The following CCSER2 variants were observed in gnomAD, a reference collection of about 807,000 sequenced individuals.
The protein encoded by CCSER2 is serine-rich coiled-coil domain-containing protein 2.
Under a neutral mutation model 92.3 loss-of-function variants are expected in CCSER2, and 46 were observed. The observed-to-expected ratio is 0.50, with a 90% CI of 0.39 to 0.64. CCSER2 has a LOEUF of 0.64. CCSER2 is among the 30% of genes least tolerant of loss of function. CCSER2 has a pLI of 0.00. For synonymous variants in CCSER2, 433 were observed against 431.4 expected (o/e 1.00, Z -0.04); for missense variants, 1,244 against 1,238.9 (o/e 1.00, Z -0.06).
At chr10:84,417,883 C>T in intron 4 of CCSER2, 22 bp downstream of exon 4, 1 of 1,217,502 alleles carries the variant, frequency 8.2e-7, no homozygotes, top group Non-Finnish European at 1.2e-6. Flanking sequence ...CAATATTGAA[C>T]CTTCAGAGGT....
intron 4 of CCSER2, among the ~76,000 whole-genome samples, chr10:84,420,045 G>A (rs913119106): frequency 1.7e-4 from 26 of 152,128 alleles, no homozygotes; most frequent in Admixed American, 1.3e-4. Flanking sequence ...TTACTTCCTC[G>A]GAATAAATCA....
In CCSER2 at chr10:84,391,270, A is replaced by T. The variant is rs150242845; in HGVS notation, c.1614+17455A>T. The T allele has an allele frequency of 1.2e-4, 179 of 1,447,016 alleles. No individual in the cohort carries two copies. The African/African-American group carries it at 2.1e-3, about 17-fold the overall frequency. 89.6% of individuals were successfully genotyped at this position (1,447,016 alleles called of 1,614,324 possible). A position where few individuals can be genotyped will look rare whatever the true frequency, so the allele number is the denominator to read the frequency against. On this transcript the variant is annotated intron_variant, in intron 3 of 9. Coordinates refer to ENST00000372088, the MANE Select transcript of CCSER2 (RefSeq NM_001284240.2). ...TGCTAAACAATGCTCAACCAGATCA[A>T]TATGAAGCTCCAGATAAAGATTTTA...
At chr10:84,461,744 T>C (rs1230372449) in intron 6 of CCSER2, among the ~76,000 whole-genome samples, 2 of 152,090 alleles carry the variant, frequency 1.3e-5, no homozygotes, top group African/African-American at 4.8e-5. Flanking sequence ...AACAGCTCTG[T>C]TAAAATCTCT....
chr10:84,464,138 CT>C, intron 7 of CCSER2, 122 bp downstream of exon 7: 1 of 541,348 alleles, frequency 1.8e-6, no homozygotes, highest in Non-Finnish European at 3.2e-6. Flanking sequence ...TTGTTCTTAA[CT>C]TTTGCTACTT....
intron 3 of CCSER2, among the ~76,000 whole-genome samples, chr10:84,406,199 A>G (rs1377488559): frequency 1.3e-5 from 2 of 152,178 alleles, no homozygotes. Context: ...CATTTATATG[A>G]TATTCTTGAA....
At chr10:84,480,763 C>T (rs1589776191) in intron 9 of CCSER2, among the ~76,000 whole-genome samples, 2 of 152,110 alleles carry the variant, frequency 1.3e-5, no homozygotes, top group Non-Finnish European at 2.9e-5. Flanking sequence ...TATGGTCTTC[C>T]AGCCTTGTTT....
intron 1 of CCSER2, among the ~76,000 whole-genome samples, chr10:84,336,327 A>C (rs1365469782): frequency 6.6e-6 from 1 of 152,212 alleles, no homozygotes; most frequent in Non-Finnish European, 1.5e-5. Flanking sequence ...TGGAGCTTAC[A>C]TTCTAATGAC....
At chr10:84,351,870 T>C (rs1241279086) in intron 1 of CCSER2, among the ~76,000 whole-genome samples, 2 of 152,184 alleles carry the variant, frequency 1.3e-5, no homozygotes, top group Non-Finnish European at 2.9e-5. Flanking sequence ...GGCTAGTGGC[T>C]GCTGTATTGA....
intron 6 of CCSER2, among the ~76,000 whole-genome samples, chr10:84,456,732 A>G (rs1845647503): frequency 6.6e-6 from 1 of 152,132 alleles, no homozygotes; most frequent in Admixed American, 6.5e-5. Flanking sequence ...ATTGTTCTGC[A>G]TTCTTGCTGG....
intron 9 of CCSER2, among the ~76,000 whole-genome samples, chr10:84,489,046 G>C (rs1253255893): frequency 2.0e-5 from 3 of 152,212 alleles, no homozygotes; most frequent in African/African-American, 7.2e-5. Flanking sequence ...TAGTTGCACA[G>C]TTTTGAGTGA....
At chr10:84,452,793 T>C (rs1258374372) in intron 6 of CCSER2, among the ~76,000 whole-genome samples, 1 of 152,184 alleles carries the variant, frequency 6.6e-6, no homozygotes, top group Non-Finnish European at 1.5e-5. Context: ...TCAGTATTTT[T>C]TAGAAAGAGT....
At chr10:84,443,545 G>A (rs1330956988) in intron 6 of CCSER2, among the ~76,000 whole-genome samples, 3 of 152,210 alleles carry the variant, frequency 2.0e-5, no homozygotes, top group Non-Finnish European at 4.4e-5. Flanking sequence ...CTGTTGGTGG[G>A]AGTGTAAATT....
intron 9 of CCSER2, among the ~76,000 whole-genome samples, chr10:84,478,556 G>A (rs1177383076): frequency 6.6e-6 from 1 of 152,132 alleles, no homozygotes; most frequent in Admixed American, 6.6e-5. Context: ...CATCTAACAA[G>A]TATTTTTTTT....
chr10:84,501,724 T>G (rs1372678842), intron 9 of CCSER2, among the ~76,000 whole-genome samples: 1 of 145,598 alleles, frequency 6.9e-6, no homozygotes, highest in Non-Finnish European at 1.5e-5. Flanking sequence ...TGCTTTTTTT[T>G]TTTTTTAAAC....
intron 1 of CCSER2, among the ~76,000 whole-genome samples, chr10:84,348,332 A>G (rs935173407): frequency 4.6e-5 from 7 of 152,224 alleles, no homozygotes; most frequent in Admixed American, 2.0e-4. Context: ...CGCGCCTGCA[A>G]TCGCAGGCAC....
chr10:84,394,210 A>T (rs1322636502), intron 3 of CCSER2, among the ~76,000 whole-genome samples: 1 of 152,204 alleles, frequency 6.6e-6, no homozygotes. Flanking sequence ...TTGAGCTTCT[A>T]CTATGCTCCA....
chr10:84,352,747 T>C (rs766974994), intron 1 of CCSER2, among the ~76,000 whole-genome samples: 26 of 151,980 alleles, frequency 1.7e-4, no homozygotes, highest in Non-Finnish European at 3.2e-4. Context: ...GGAATAAATA[T>C]ACCTATCTAG....
At chr10:84,412,849 C>T (rs971326402) in intron 3 of CCSER2, among the ~76,000 whole-genome samples, 1 of 152,174 alleles carries the variant, frequency 6.6e-6, no homozygotes, top group African/African-American at 2.4e-5. Context: ...GCTTCTCTTC[C>T]AGCTACTCAG....
intron 1 of CCSER2, among the ~76,000 whole-genome samples, chr10:84,351,833 T>C (rs1844875769): frequency 6.6e-6 from 1 of 152,260 alleles, no homozygotes; most frequent in South Asian, 2.1e-4. Context: ...TTTGTGGCCT[T>C]ACCACATTAT....
Sources: allele counts gnomAD v4.1 joint callset (sites outside exome capture counted in the v4.1 genomes callset), GRCh38; gene constraint gnomAD v4.1.1; transcripts MANE v1.5; gene names NCBI Gene and HGNC (gene_info 2026-07-23, HGNC 2026-07-21).